ZNF148: variants seen among roughly 807,000 people sequenced by gnomAD.
ZNF148 encodes Beta-Enolase Repressor Factor-1.
ZNF148 carries 7 observed loss-of-function variants against 67.7 expected under a neutral mutation model. The observed-to-expected ratio is 0.10, with a 90% CI of 0.06 to 0.19. The LOEUF (loss-of-function observed/expected upper bound fraction) is 0.19, where lower values mean the gene tolerates loss of function less well. Among genes scored for constraint, ZNF148 ranks in the 10% least tolerant of loss-of-function variants. ZNF148 has a pLI of 1.00. For synonymous variants in ZNF148, 333 were observed against 330.7 expected (o/e 1.01, Z -0.08); for missense variants, 583 against 947.1 (o/e 0.62, Z 5.05).
intron 7 of ZNF148, among the ~76,000 whole-genome samples, chr3:125,241,035 TC>T (rs1936330213): frequency 6.6e-6 from 1 of 152,062 alleles, no homozygotes; most frequent in Admixed American, 6.6e-5. Context: ...TACTGTACCA[TC>T]TTTTTTCATA....
chr3:125,269,058 G>A (rs1022631393), intron 7 of ZNF148, among the ~76,000 whole-genome samples: 1 of 151,908 alleles, frequency 6.6e-6, no homozygotes, highest in Non-Finnish European at 1.5e-5. Flanking sequence ...CTCAAAATAA[G>A]ACATACAAGC....
chr3:125,246,050 C>A (rs892357408), intron 7 of ZNF148, among the ~76,000 whole-genome samples: 1 of 152,010 alleles, frequency 6.6e-6, no homozygotes, highest in African/African-American at 2.4e-5. Context: ...CCTCCATAAT[C>A]ATTTTCTGCT....
At chr3:125,328,208 T>C (rs1579816181) in intron 2 of ZNF148, among the ~76,000 whole-genome samples, 1 of 152,312 alleles carries the variant, frequency 6.6e-6, no homozygotes, top group East Asian at 1.9e-4. Context: ...TGCTACAACC[T>C]GGAGCGAAAA....
At chr3:125,253,266 C>T (rs1359736692) in intron 7 of ZNF148, among the ~76,000 whole-genome samples, 3 of 152,134 alleles carry the variant, frequency 2.0e-5, no homozygotes, top group African/African-American at 7.2e-5. Context: ...GTGGTATCAT[C>T]ATAACATGTT....
intron 4 of ZNF148, among the ~76,000 whole-genome samples, chr3:125,309,497 A>AG (rs1940080896): frequency 6.6e-6 from 1 of 152,244 alleles, no homozygotes; most frequent in Non-Finnish European, 1.5e-5. Flanking sequence ...TACGACATGA[A>AG]CAAAAGTAAC....
intron 7 of ZNF148, among the ~76,000 whole-genome samples, chr3:125,235,434 C>T (rs1936039201): frequency 6.6e-6 from 1 of 152,134 alleles, no homozygotes; most frequent in Non-Finnish European, 1.5e-5. Context: ...CCCTGATTCA[C>T]GCTGCTCCTT....
At chr3:125,270,945 C>T (rs973143748) in intron 7 of ZNF148, among the ~76,000 whole-genome samples, 12 of 151,946 alleles carry the variant, frequency 7.9e-5, no homozygotes, top group Non-Finnish European at 1.6e-4. Context: ...ATATTACATT[C>T]CTTAAAGCTT....
intron 4 of ZNF148, among the ~76,000 whole-genome samples, chr3:125,290,359 T>C (rs1938942810): frequency 6.6e-6 from 1 of 152,190 alleles, no homozygotes; most frequent in African/African-American, 2.4e-5. Context: ...ATTTTCAATC[T>C]TTCCCTCTTT....
chr3:125,348,480 C>CAA lies in ZNF148; in HGVS notation c.-233-17244_-233-17243dup, dbSNP rs35810148. Among the ~76,000 whole-genome samples the CAA allele has an allele frequency of 5.0e-3, 300 of 60,512 alleles. 2 individuals are homozygous for CAA. Among genetic ancestry groups the CAA allele is most frequent in the Middle Eastern group, 0.013 (1 of 78 alleles). The allele number at this position is 60,512 out of a possible 152,430, so 39.7% of individuals were successfully genotyped here. On this transcript the variant is annotated intron_variant, in intron 1 of 8. Coordinates refer to ENST00000360647, the MANE Select transcript of ZNF148 (RefSeq NM_021964.3). ...CAGGAAAAAAAGCAAGACCCTGTCT[C>CAA]AAAAAAAAAAAAAAAAAAAAAGCTA...
chr3:125,248,304 C>A (rs1239815356), intron 7 of ZNF148, among the ~76,000 whole-genome samples: 2 of 152,140 alleles, frequency 1.3e-5, no homozygotes, highest in Non-Finnish European at 2.9e-5. Flanking sequence ...TATTTCTGAA[C>A]TTGATATAAG....
At chr3:125,334,079 TCTA>T (rs1045812028) in intron 1 of ZNF148, among the ~76,000 whole-genome samples, 4 of 152,238 alleles carry the variant, frequency 2.6e-5, no homozygotes, top group South Asian at 2.1e-4. Flanking sequence ...AAGGAAATTT[TCTA>T]CTAATACCAA....
chr3:125,319,012 C>A (rs937958186), intron 3 of ZNF148, among the ~76,000 whole-genome samples: 2 of 152,108 alleles, frequency 1.3e-5, no homozygotes, highest in African/African-American at 4.8e-5. Context: ...CCAACCCCCC[C>A]ACACACCTAA....
At chr3:125,258,286 A>G (rs560220424) in intron 7 of ZNF148, among the ~76,000 whole-genome samples, 110 of 151,998 alleles carry the variant, frequency 7.2e-4, no homozygotes, top group African/African-American at 2.5e-3. Flanking sequence ...TTAGCCGGGC[A>G]TGGTGGCAGG....
intron 4 of ZNF148, among the ~76,000 whole-genome samples, chr3:125,312,166 A>G (rs903690631): frequency 6.6e-6 from 1 of 152,236 alleles, no homozygotes; most frequent in African/African-American, 2.4e-5. Context: ...TCTCATGAAC[A>G]CAAATGTAAA....
chr3:125,344,643 CA>C (rs747342078), intron 1 of ZNF148: 405 of 694,492 alleles, frequency 5.8e-4, no homozygotes, highest in Non-Finnish European at 9.3e-4. Context: ...TACAGCACCT[CA>C]CATGCCTCAG....
intron 4 of ZNF148, among the ~76,000 whole-genome samples, chr3:125,306,508 A>C (rs1939884993): frequency 6.6e-6 from 1 of 152,206 alleles, no homozygotes; most frequent in South Asian, 2.1e-4. Context: ...TTGGTCAATT[A>C]AACAATTAAG....
At chr3:125,361,263 C>T (rs1379930036) in intron 1 of ZNF148, among the ~76,000 whole-genome samples, 1 of 152,070 alleles carries the variant, frequency 6.6e-6, no homozygotes, top group Non-Finnish European at 1.5e-5. Flanking sequence ...TCTTGCTCCC[C>T]AGGACCACTC....
At chr3:125,239,732 C>T (rs1936258353) in intron 7 of ZNF148, among the ~76,000 whole-genome samples, 1 of 152,094 alleles carries the variant, frequency 6.6e-6, no homozygotes, top group Non-Finnish European at 1.5e-5. Context: ...GCATTATTCA[C>T]AATGGCCAAA....
intron 1 of ZNF148, among the ~76,000 whole-genome samples, chr3:125,334,799 C>G (rs71325829): frequency 6.6e-6 from 1 of 151,948 alleles, no homozygotes; most frequent in African/African-American, 2.4e-5. Flanking sequence ...ACGACCACCT[C>G]CACCACCACC....
Sources: allele counts gnomAD v4.1 joint callset (sites outside exome capture counted in the v4.1 genomes callset), GRCh38; gene constraint gnomAD v4.1.1; transcripts MANE v1.5; gene names NCBI Gene and HGNC (gene_info 2026-07-23, HGNC 2026-07-21).